LRP12: variants seen among roughly 807,000 people sequenced by gnomAD.
LRP12 encodes low-density lipoprotein receptor-related protein 12.
LRP12 carries 14 observed loss-of-function variants against 66.0 expected under a neutral mutation model. The observed-to-expected ratio is 0.21, with a 90% confidence interval of 0.14 to 0.33. The LOEUF is 0.33. Ranked by LOEUF, LRP12 falls within the 10% of genes least tolerant of loss-of-function variation. The pLI is 1.00. For missense variants in LRP12, 889 were observed against 1,053.4 expected (o/e 0.84, Z 2.16); for synonymous variants, 357 against 359.1 (o/e 0.99, Z 0.07).
chr8:104,516,787 C>T (rs556440881), intron 2 of LRP12, among the ~76,000 whole-genome samples: 8 of 152,134 alleles, frequency 5.3e-5, no homozygotes, highest in Admixed American at 3.3e-4. Context: ...TAAAGTCAAG[C>T]TGTCTTACAA....
At chr8:104,526,200 G>C (rs1422015273) in intron 2 of LRP12, among the ~76,000 whole-genome samples, 1 of 151,646 alleles carries the variant, frequency 6.6e-6, no homozygotes, top group African/African-American at 2.4e-5. Flanking sequence ...ACAAATGGAA[G>C]AACATTCCAT....
At chr8:104,566,283 AT>A (rs1812003216) in intron 1 of LRP12, 1 of 382,884 alleles carries the variant, frequency 2.6e-6, no homozygotes, top group South Asian at 3.6e-5. Flanking sequence ...ATGTTAAAAA[AT>A]TAGGAGACCA....
At chr8:104,551,757 C>T (rs1361036362) in intron 1 of LRP12, among the ~76,000 whole-genome samples, 1 of 152,154 alleles carries the variant, frequency 6.6e-6, no homozygotes, top group Non-Finnish European at 1.5e-5. Context: ...GTCTTCCACA[C>T]TAAATGTTGA....
At position 104,552,080 on chromosome 8, in the gene LRP12, C is replaced by T. The variant is rs553112360; in HGVS notation, c.80-20117G>A. 3.3e-4 allele frequency among the ~76,000 whole-genome samples: 51 copies of T among 152,264 alleles called. No homozygotes were observed. In the Middle Eastern group the frequency reaches 0.01, roughly 30 times the overall value. On this transcript the variant is annotated intron_variant, in intron 1 of 6. Coordinates refer to ENST00000276654, the MANE Select transcript of LRP12 (RefSeq NM_013437.5). ...TCCACGAGTGAACGAAGTCAGAAAG[C>T]CACAAGTGGAAGATTTCAAACCCAA...
chr8:104,511,881 G>A (rs985011724), intron 2 of LRP12, among the ~76,000 whole-genome samples: 1 of 151,912 alleles, frequency 6.6e-6, no homozygotes, highest in Admixed American at 6.6e-5. Context: ...TCATTGCCAA[G>A]GCATAGTCAA....
chr8:104,577,643 T>C (rs1213562707), intron 1 of LRP12, among the ~76,000 whole-genome samples: 1 of 151,862 alleles, frequency 6.6e-6, no homozygotes, highest in Non-Finnish European at 1.5e-5. Context: ...ACCCTGTCTC[T>C]ACTGAAAATG....
intron 1 of LRP12, among the ~76,000 whole-genome samples, chr8:104,550,814 T>C (rs11998493): frequency 0.013 from 1,974 of 152,318 alleles, 46 homozygotes; most frequent in African/African-American, 0.044. Context: ...TTGCTGAATG[T>C]ATAAATAAAT....
intron 1 of LRP12, among the ~76,000 whole-genome samples, chr8:104,567,602 G>A (rs1400581460): frequency 6.6e-6 from 1 of 152,066 alleles, no homozygotes; most frequent in African/African-American, 2.4e-5. Flanking sequence ...GGTATTCACA[G>A]AAACAAAAAC....
chr8:104,511,209 A>C (rs575902714), intron 2 of LRP12, among the ~76,000 whole-genome samples: 2 of 151,460 alleles, frequency 1.3e-5, no homozygotes, highest in South Asian at 4.2e-4. Flanking sequence ...ACACCCAGCT[A>C]ATTTTTGTAT....
intron 1 of LRP12, among the ~76,000 whole-genome samples, chr8:104,536,147 C>T (rs570063492): frequency 2.6e-5 from 4 of 152,132 alleles, no homozygotes; most frequent in East Asian, 3.9e-4. Context: ...CTCCACAGTC[C>T]GATTCTTCCT....
chr8:104,516,350 A>G (rs1811072144), intron 2 of LRP12, among the ~76,000 whole-genome samples: 1 of 152,070 alleles, frequency 6.6e-6, no homozygotes, highest in Non-Finnish European at 1.5e-5. Flanking sequence ...GACATCTGAA[A>G]TGAAAAAAAA....
intron 2 of LRP12, among the ~76,000 whole-genome samples, chr8:104,527,489 A>ATGTG: frequency 6.6e-6 from 1 of 151,144 alleles, no homozygotes; most frequent in Non-Finnish European, 1.5e-5. Flanking sequence ...ACACCATGGA[A>ATGTG]TACTATGCAG....
chr8:104,547,559 A>G (rs1333442530), intron 1 of LRP12, among the ~76,000 whole-genome samples: 2 of 126,498 alleles, frequency 1.6e-5, no homozygotes, highest in Non-Finnish European at 3.1e-5. Flanking sequence ...ATTACATATT[A>G]TATATTAATA....
chr8:104,579,620 G>A (rs1475570576), intron 1 of LRP12, among the ~76,000 whole-genome samples: 1 of 152,100 alleles, frequency 6.6e-6, no homozygotes, highest in East Asian at 1.9e-4. Context: ...CCAAATAGCA[G>A]AGGTAATCCT....
chr8:104,510,648 G>T (rs1193164876), intron 2 of LRP12, among the ~76,000 whole-genome samples: 5 of 152,136 alleles, frequency 3.3e-5, no homozygotes, highest in Non-Finnish European at 5.9e-5. Context: ...TAGATTACTT[G>T]ATTTTAAAGT....
intron 3 of LRP12, among the ~76,000 whole-genome samples, chr8:104,502,472 G>GAGTT (rs1810841182): frequency 6.6e-6 from 1 of 152,102 alleles, no homozygotes; most frequent in Non-Finnish European, 1.5e-5. Context: ...TCCTTTCCAG[G>GAGTT]AGTTACCTTA....
chr8:104,519,503 C>G (rs1475867297), intron 2 of LRP12, among the ~76,000 whole-genome samples: 1 of 151,960 alleles, frequency 6.6e-6, no homozygotes, highest in Non-Finnish European at 1.5e-5. Context: ...TTGAACATCC[C>G]TAATCCAAAA....
chr8:104,523,303 C>G (rs1811178217), intron 2 of LRP12, among the ~76,000 whole-genome samples: 1 of 151,990 alleles, frequency 6.6e-6, no homozygotes, highest in East Asian at 1.9e-4. Flanking sequence ...AAATACTAGT[C>G]TATCATTTAC....
intron 2 of LRP12, among the ~76,000 whole-genome samples, chr8:104,517,504 G>T (rs959783295): frequency 6.6e-6 from 1 of 151,948 alleles, no homozygotes; most frequent in Non-Finnish European, 1.5e-5. Flanking sequence ...CAAGTATTTT[G>T]TAAAGGTTAT....
Sources: allele counts gnomAD v4.1 joint callset (sites outside exome capture counted in the v4.1 genomes callset), GRCh38; gene constraint gnomAD v4.1.1; transcripts MANE v1.5; gene names NCBI Gene and HGNC (gene_info 2026-07-23, HGNC 2026-07-21).